The following RTN4 variants were observed in gnomAD, a reference collection of about 807,000 sequenced individuals.
RTN4 encodes the protein reticulon-4.
A neutral mutation model predicts 90.4 loss-of-function variants in RTN4; 32 were observed. The observed-to-expected ratio is 0.35, with a 90% CI of 0.27 to 0.48. RTN4 has a LOEUF of 0.48. Ranked by LOEUF, RTN4 falls within the 20% of genes least tolerant of loss-of-function variation. RTN4 has a pLI of 0.99. For synonymous variants in RTN4, 629 were observed against 552.5 expected, an observed-to-expected ratio of 1.14 and a Z score of -1.94; for missense variants, 1,706 against 1,430.2, an observed-to-expected ratio of 1.19 and a Z score of -3.11.
the RTN4 span, among the ~76,000 whole-genome samples, chr2:55,122,782 A>T: frequency 1.3e-5 from 2 of 152,218 alleles, no homozygotes; most frequent in Non-Finnish European, 2.9e-5. Context: ...AAGGACAGAG[A>T]TGGGAGACCT....
chr2:55,059,136 A>G (rs1303546502), intron 2 of RTN4, among the ~76,000 whole-genome samples: 3 of 151,940 alleles, frequency 2.0e-5, no homozygotes, highest in Non-Finnish European at 2.9e-5. Flanking sequence ...TTTTTTTTCA[A>G]CCCAGCCTAT....
At chr2:55,004,811 G>A (rs577102889) in intron 3 of RTN4, among the ~76,000 whole-genome samples, 2 of 152,144 alleles carry the variant, frequency 1.3e-5, no homozygotes, top group East Asian at 3.9e-4. Context: ...ATAAATAATT[G>A]TAATAGAAAG....
chr2:54,995,577 A>T (rs1245646753), intron 3 of RTN4, among the ~76,000 whole-genome samples: 8 of 152,146 alleles, frequency 5.3e-5, no homozygotes, highest in Non-Finnish European at 1.0e-4. Context: ...GTATTCATTC[A>T]TTCATTCGTT....
chr2:55,101,083 G>A (rs1027294603), intron 1 of RTN4, among the ~76,000 whole-genome samples: 2 of 151,716 alleles, frequency 1.3e-5, no homozygotes, highest in Admixed American at 1.3e-4. Context: ...AGAAACATGA[G>A]AGAACAAAAA....
In RTN4 at chr2:55,026,130, G is replaced by A. The variant is rs145842142; in HGVS notation, c.1969C>T (p.Pro657Ser). The change falls in exon 3 of 9, where the codon CCA becomes TCA. Residue 657 changes from proline to serine, a missense_variant. Pro to Ser is a moderately conservative substitution (Grantham distance 74). Transcript: ENST00000337526. Reference protein sequence around the residue: ...ESIKHEPENPPPYEEAMSVSL... With the variant: ...ESIKHEPENPSPYEEAMSVSL... ...ACACTCATGGCCTCTTCATATGGTG[G>A]GGGGTTTTCAGGCTCATGTTTTATG... 767 of 1,613,378 alleles carry A rather than the reference G, an allele frequency of 4.8e-4. 2 individuals are homozygous for A. The highest frequency in any genetic ancestry group is 5.8e-4 in the Non-Finnish European group (685 of 1,179,778).
At chr2:55,124,041 T>C in the RTN4 span, among the ~76,000 whole-genome samples, 1 of 152,146 alleles carries the variant, frequency 6.6e-6, no homozygotes, top group East Asian at 1.9e-4. Context: ...GGCAAAATAA[T>C]GCAGAAACCA....
intron 2 of RTN4, among the ~76,000 whole-genome samples, chr2:55,075,024 A>C (rs912785422): frequency 2.0e-5 from 3 of 152,254 alleles, no homozygotes; most frequent in Admixed American, 6.5e-5. Context: ...GAACAAGACA[A>C]GGATGCCCTC....
intron 1 of RTN4, among the ~76,000 whole-genome samples, chr2:55,033,625 T>G (rs573401671): frequency 6.6e-6 from 1 of 152,336 alleles, no homozygotes; most frequent in African/African-American, 2.4e-5. Context: ...AAGGCTATGA[T>G]GTGCCTTACA....
intron 3 of RTN4, among the ~76,000 whole-genome samples, chr2:54,996,034 A>G (rs751574282): frequency 2.0e-5 from 3 of 152,248 alleles, no homozygotes; most frequent in Non-Finnish European, 2.9e-5. Flanking sequence ...GTAGGACACA[A>G]TATCAATATA....
upstream of RTN4, among the ~76,000 whole-genome samples, chr2:55,055,429 C>A (rs932766729): frequency 6.6e-6 from 1 of 151,972 alleles, no homozygotes; most frequent in African/African-American, 2.4e-5. Flanking sequence ...AGATAGAAAC[C>A]AAGTGGTCAC....
At chr2:55,016,025 A>T (rs1681009092) in intron 3 of RTN4, among the ~76,000 whole-genome samples, 1 of 152,162 alleles carries the variant, frequency 6.6e-6, no homozygotes. Context: ...TAATTCAGGG[A>T]TATGTAAGAC....
intron 3 of RTN4, among the ~76,000 whole-genome samples, chr2:54,998,581 A>G (rs2104734371): frequency 6.6e-6 from 1 of 152,354 alleles, no homozygotes; most frequent in South Asian, 2.1e-4. Flanking sequence ...TTTATAAAAA[A>G]GAAAACACTG....
chr2:55,093,357 G>A (rs1668974048), intron 1 of RTN4, among the ~76,000 whole-genome samples: 1 of 149,926 alleles, frequency 6.7e-6, no homozygotes, highest in Admixed American at 6.7e-5. Flanking sequence ...AAACATATGT[G>A]TGTATTTTAT....
intron 1 of RTN4, among the ~76,000 whole-genome samples, chr2:55,106,300 C>T (rs1234244374): frequency 6.6e-6 from 1 of 152,010 alleles, no homozygotes; most frequent in Non-Finnish European, 1.5e-5. Context: ...TCCTCCTCTT[C>T]TTCCTCCCCC....
chr2:55,012,544 T>G (rs1472899626), intron 3 of RTN4, among the ~76,000 whole-genome samples: 2 of 152,172 alleles, frequency 1.3e-5, no homozygotes, highest in African/African-American at 4.8e-5. Context: ...TGACACAAAT[T>G]TGTTAAAGAT....
intron 1 of RTN4, among the ~76,000 whole-genome samples, chr2:55,089,763 C>T (rs1395188777): frequency 2.6e-5 from 4 of 152,248 alleles, no homozygotes; most frequent in Non-Finnish European, 4.4e-5. Context: ...CTGGCCACCA[C>T]TCTTCAGCAC....
chr2:55,060,534 T>C (rs1245351758), intron 2 of RTN4: 2 of 152,236 alleles, frequency 1.3e-5, no homozygotes, highest in Admixed American at 1.3e-4. Context: ...AGTGCTACTA[T>C]ATGCTGGACA....
chr2:55,098,400 T>C lies in RTN4; in HGVS notation c.-214+14120A>G, dbSNP rs373965234. On this transcript the variant is annotated intron_variant, in intron 1 of 3. Coordinates refer to the RTN4 transcript ENST00000427710. The stretch of plus-strand genomic sequence containing the variant: ...TTATTATAATAATTTAAAACCATTA[T>C]GTAGTAACAGAATAATAATAAACCT... Among the ~76,000 whole-genome samples the C allele has an allele frequency of 2.6e-5, 4 of 152,158 alleles. No homozygotes were observed. In the East Asian group the frequency reaches 5.8e-4, roughly 22 times the overall value.
intron 3 of RTN4, among the ~76,000 whole-genome samples, chr2:55,007,079 T>G (rs985225358): frequency 3.3e-5 from 5 of 152,112 alleles, no homozygotes; most frequent in Non-Finnish European, 5.9e-5. Flanking sequence ...CTTTTCTATT[T>G]TAGCTCTATT....
Sources: allele counts gnomAD v4.1 joint callset (sites outside exome capture counted in the v4.1 genomes callset), GRCh38; gene constraint gnomAD v4.1.1; transcripts MANE v1.5; gene names NCBI Gene and HGNC (gene_info 2026-07-23, HGNC 2026-07-21).